Variants in NDUFA9 observed in about 807,000 individuals in gnomAD.
NDUFA9 encodes the protein NADH:ubiquinone oxidoreductase subunit A9.
A neutral mutation model predicts 45.9 loss-of-function variants in NDUFA9; 23 were observed. The observed-to-expected ratio is 0.50, with a 90% confidence interval of 0.36 to 0.71. The LOEUF (loss-of-function observed/expected upper bound fraction) is 0.71, where lower values mean the gene tolerates loss of function less well. Ranked by LOEUF, NDUFA9 falls within the 30% of genes least tolerant of loss-of-function variation. NDUFA9 has a pLI of 0.00. For synonymous variants in NDUFA9, 176 were observed against 170.5 expected, an observed-to-expected ratio of 1.03 and a Z score of -0.25; for missense variants, 466 against 488.2, an observed-to-expected ratio of 0.95 and a Z score of 0.43.
chr12:4,669,234 T>C (rs1945871538), intron 7 of NDUFA9, among the ~76,000 whole-genome samples: 1 of 152,260 alleles, frequency 6.6e-6, no homozygotes, highest in South Asian at 2.1e-4. Context: ...AAAATGACTC[T>C]AGACAGTTGT....
In NDUFA9 at chr12:4,693,074, C is replaced by T. The variant is rs551712867; in HGVS notation, c.*5966C>T. On this transcript the variant is annotated 3_prime_UTR_variant, in exon 11 of 11. Transcript: ENST00000266544. ...CTGAGGTGGGAGGATCACTTGAGCC[C>T]AGGAGTTTGAGACCAGCCTGGGCAA... 2 of 152,412 alleles carry T rather than the reference C, an allele frequency of 1.3e-5. No homozygotes were observed. Among genetic ancestry groups the T allele is most frequent in the Non-Finnish European group, 2.9e-5 (2 of 68,260 alleles). The allele number at this position is 152,412 out of a possible 1,614,324, so 9.4% of individuals were successfully genotyped here.
chr12:4,678,684 A>T (rs1268454526), intron 8 of NDUFA9, among the ~76,000 whole-genome samples: 1 of 152,204 alleles, frequency 6.6e-6, no homozygotes, highest in Non-Finnish European at 1.5e-5. Context: ...TCACTAAAAA[A>T]CATATGAAAA....
intron 8 of NDUFA9, among the ~76,000 whole-genome samples, chr12:4,675,382 G>T (rs1035199772): frequency 6.6e-6 from 1 of 152,048 alleles, no homozygotes; most frequent in East Asian, 1.9e-4. Context: ...CCAGGAGCTG[G>T]TTTTTTTCAA....
At position 4,689,254 on chromosome 12, in the gene NDUFA9, C is replaced by CT. The variant is rs1449288456; in HGVS notation, c.*2147dup. ...TTTCTAGCAATGCTATTTCTCATCT[C>CT]TAACTTGTATCATCTCAGGATGCTG... On this transcript the variant is annotated 3_prime_UTR_variant, in exon 11 of 11. Coordinates refer to ENST00000266544, the MANE Select transcript of NDUFA9 (RefSeq NM_005002.5). The CT allele has an allele frequency of 6.6e-6, 1 of 152,236 alleles. No homozygotes were observed. The highest frequency in any genetic ancestry group is 2.4e-5 in the African/African-American group (1 of 41,442). The allele number at this position is 152,236 out of a possible 1,614,324, so 9.4% of individuals were successfully genotyped here. A position where few individuals can be genotyped will look rare whatever the true frequency, so the allele number is the denominator to read the frequency against.
In NDUFA9 at chr12:4,669,258, G is replaced by T. The variant is rs550082261; in HGVS notation, c.724-483G>T. 4.0e-4 allele frequency among the ~76,000 whole-genome samples: 61 copies of T among 152,182 alleles called. 1 individual carries two copies. The highest frequency in any genetic ancestry group is 2.8e-4 in the Non-Finnish European group (19 of 68,044). On this transcript the variant is annotated intron_variant, in intron 7 of 10. Transcript: ENST00000266544. ...CTAGACAGTTGTCAAATGTCCCCTG[G>T]GGGCCAAAATCACTATTACTATTAC...
intron 7 of NDUFA9, 64 bp from the exon 8 acceptor site, chr12:4,669,677 T>C (rs1222633476): frequency 1.9e-6 from 2 of 1,035,390 alleles, no homozygotes; most frequent in Admixed American, 2.0e-5. Context: ...TCTTTCTATC[T>C]CTCCATCTCC....
intron 6 of NDUFA9, among the ~76,000 whole-genome samples, chr12:4,663,080 T>C (rs897308469): frequency 2.0e-5 from 3 of 152,218 alleles, no homozygotes; most frequent in Non-Finnish European, 4.4e-5. Context: ...ATCATTGCAG[T>C]ATGTAGCCTT....
At chr12:4,655,073 G>C (rs761418142) in intron 3 of NDUFA9, 151 bp downstream of exon 3, 3 of 604,166 alleles carry the variant, frequency 5.0e-6, no homozygotes, top group Non-Finnish European at 8.4e-6. Flanking sequence ...GCTAGGTTCC[G>C]GCATCTCCTT....
rs1034903270 is a variant in NDUFA9, at chr12:4,690,350, T to C, written c.*3242T>C. The C allele has an allele frequency of 6.6e-6, 1 of 152,256 alleles. No individual in the cohort carries two copies. The highest frequency in any genetic ancestry group is 6.5e-5 in the Admixed American group (1 of 15,288). 9.4% of individuals were successfully genotyped at this position (152,256 alleles called of 1,614,324 possible). A position where few individuals can be genotyped will look rare whatever the true frequency, so the allele number is the denominator to read the frequency against. On this transcript the variant is annotated 3_prime_UTR_variant, in exon 11 of 11. Coordinates refer to ENST00000266544, the MANE Select transcript of NDUFA9 (RefSeq NM_005002.5). ...CATGTTCTTCCTTGGCCCTCCTGTG[T>C]ATTTCCCACAGCTTTGCTAGGCCTT...
intron 4 of NDUFA9, 45 bp downstream of exon 4, chr12:4,657,884 G>T (rs1247038557): frequency 6.9e-7 from 1 of 1,444,050 alleles, no homozygotes; most frequent in Non-Finnish European, 9.7e-7. Flanking sequence ...GTCTTTCTTA[G>T]GGTTTAATGG....
At chr12:4,661,880 G>C (rs1945825146) in intron 5 of NDUFA9, among the ~76,000 whole-genome samples, 1 of 152,084 alleles carries the variant, frequency 6.6e-6, no homozygotes, top group African/African-American at 2.4e-5. Flanking sequence ...ACCAAGTTAA[G>C]AGTGGTAGAG....
chr12:4,665,836 G>T (rs1945850334), intron 6 of NDUFA9, among the ~76,000 whole-genome samples: 1 of 151,142 alleles, frequency 6.6e-6, no homozygotes, highest in Admixed American at 6.6e-5. Context: ...TTGAGATTGG[G>T]TCTTGCTCTG....
intron 1 of NDUFA9, among the ~76,000 whole-genome samples, chr12:4,652,036 CAT>C (rs1304516758): frequency 6.6e-6 from 1 of 152,192 alleles, no homozygotes; most frequent in Non-Finnish European, 1.5e-5. Flanking sequence ...AAACCTCTAA[CAT>C]GTGCTTTTGT....
intron 3 of NDUFA9, chr12:4,655,685 TAGAAC>T (rs1000136223): frequency 6.6e-6 from 1 of 152,242 alleles, no homozygotes; most frequent in Admixed American, 6.5e-5. Context: ...AGATTTAACT[TAGAAC>T]AGTCCTTTCT....
intron 10 of NDUFA9, 67 bp downstream of exon 10, chr12:4,685,392 C>A: frequency 6.9e-7 from 1 of 1,444,490 alleles, no homozygotes; most frequent in Admixed American, 1.7e-5. Flanking sequence ...TTTGCTTTGC[C>A]TGCTTGCTTG....
Position 4,657,765 on chromosome 12 carries a change from T to A in NDUFA9, c.336T>A (p.Asp112Glu). Reference protein sequence around the residue: ...QLLFLEWDARDKDSIRRVVQH... With the variant: ...QLLFLEWDAREKDSIRRVVQH... ...TATTATAGGAATGGGACGCGAGAGA[T>A]AAAGATTCTATCCGACGAGTAGTAC... The change falls in exon 4 of 11, where the codon GAT becomes GAA. Residue 112 changes from aspartate (D) to glutamate (E), a missense_variant. Physicochemically the swap from Asp to Glu is conservative, Grantham distance 45. Transcript: ENST00000266544. 1.2e-6 allele frequency: 2 copies of A among 1,613,424 alleles called. No individual in the cohort carries two copies. Among genetic ancestry groups the A allele is most frequent in the Non-Finnish European group, 1.7e-6 (2 of 1,179,538 alleles).
rs146661759 is a variant in NDUFA9, at chr12:4,654,893, A to G, written c.289A>G (p.Met97Val). Residue 97 changes from methionine (M) to valine (V), a missense_variant, in exon 3 of 11, where the codon ATG (methionine) becomes GTG (valine). By Grantham distance (21) the Met-to-Val change is conservative. Transcript: ENST00000266544. ...ATATGACATCATGCACCTTCGTCCC[A>G]TGGGTGACCTGGGCCAGCTTCTGTT... Reference protein sequence around the residue: ...DKYDIMHLRPMGDLGQLLFLE... With the variant: ...DKYDIMHLRPVGDLGQLLFLE... 1.3e-4 allele frequency: 208 copies of G among 1,613,836 alleles called. No individual in the cohort carries two copies. Among genetic ancestry groups the G allele is most frequent in the Non-Finnish European group, 1.7e-4 (196 of 1,179,944 alleles).
At chr12:4,663,907 G>T (rs993396591) in intron 6 of NDUFA9, among the ~76,000 whole-genome samples, 1 of 152,160 alleles carries the variant, frequency 6.6e-6, no homozygotes, top group Non-Finnish European at 1.5e-5. Context: ...TGAGTAAGAT[G>T]TCATTGGAAA....
rs140324732 is a variant in NDUFA9 at position 4,675,336 on chromosome 12, T to C, written c.800+5519T>C. ...AAGATCAGAGCAGAACCGAAGGAGA[T>C]AGAGACAGGAAAAACCCTTCAAAAA... On this transcript the variant is annotated intron_variant, in intron 8 of 10. Coordinates refer to ENST00000266544, the MANE Select transcript of NDUFA9 (RefSeq NM_005002.5). Among the ~76,000 whole-genome samples, 262 of 151,982 alleles carry C rather than the reference T, an allele frequency of 1.7e-3. 3 individuals are homozygous for C. In the East Asian group the frequency reaches 0.038, roughly 22 times the overall value.
Sources: gnomAD v4.1 joint callset for allele counts (sites outside exome capture counted in the v4.1 genomes callset) on GRCh38, gnomAD v4.1.1 for gene constraint, MANE v1.5 for transcripts, NCBI Gene and HGNC (gene_info 2026-07-23, HGNC 2026-07-21) for gene names.